SYN3: variants seen among roughly 807,000 people sequenced by gnomAD.
SYN3 encodes the protein synapsin-3.
Under a neutral mutation model 65.8 loss-of-function variants are expected in SYN3, and 35 were observed. The observed-to-expected ratio is 0.53, with a 90% confidence interval of 0.41 to 0.70. The LOEUF (loss-of-function observed/expected upper bound fraction) is 0.70, where lower values mean the gene tolerates loss of function less well. SYN3 is among the 30% of genes least tolerant of loss of function. The pLI, the probability that SYN3 is intolerant of heterozygous loss-of-function variation, is 0.00. For missense variants in SYN3, 680 were observed against 749.0 expected (o/e 0.91, Z 1.08); for synonymous variants, 270 against 292.9 (o/e 0.92, Z 0.80).
intron 6 of SYN3, among the ~76,000 whole-genome samples, chr22:32,639,681 G>C (rs1461816938): frequency 6.6e-6 from 1 of 152,088 alleles, no homozygotes. Flanking sequence ...CTAGTAGCTG[G>C]GACTATAGGT....
rs374472990 is a variant in SYN3, at chr22:32,981,107, G to A, written c.312-405C>T. On this transcript the variant is annotated intron_variant, in intron 2 of 13. Transcript: ENST00000358763. ...TGACCTCAGGCAATCCACCCACCTC[G>A]CCCTCCCAAAGTGCTGGGATTACAG... 1.1e-3 allele frequency among the ~76,000 whole-genome samples: 166 copies of A among 150,386 alleles called. 2 individuals carry two copies. The East Asian group carries it at 0.018, about 17-fold the overall frequency.
intron 4 of SYN3, among the ~76,000 whole-genome samples, chr22:32,877,882 C>T (rs2049024168): frequency 6.6e-6 from 1 of 152,140 alleles, no homozygotes; most frequent in African/African-American, 2.4e-5. Flanking sequence ...CTTACCTTGT[C>T]CTCATAGGCA....
chr22:32,526,716 TC>T (rs1337580779), intron 12 of SYN3, among the ~76,000 whole-genome samples: 2 of 152,140 alleles, frequency 1.3e-5, no homozygotes, highest in African/African-American at 4.8e-5. Context: ...TGATGGGGTT[TC>T]ACCATATTGG....
At chr22:32,803,110 C>T (rs552685230) in intron 6 of SYN3, among the ~76,000 whole-genome samples, 14 of 152,128 alleles carry the variant, frequency 9.2e-5, no homozygotes, top group Non-Finnish European at 1.8e-4. Context: ...CTCCTCCTTT[C>T]CAGCCCATAA....
chr22:33,022,327 G>A (rs1480939517), intron 1 of SYN3, among the ~76,000 whole-genome samples: 1 of 152,198 alleles, frequency 6.6e-6, no homozygotes, highest in Non-Finnish European at 1.5e-5. Context: ...CTAGGGACAG[G>A]CTGAGAACTC....
At chr22:32,565,875 G>C (rs1318620109) in intron 7 of SYN3, among the ~76,000 whole-genome samples, 2 of 151,982 alleles carry the variant, frequency 1.3e-5, no homozygotes, top group Admixed American at 1.3e-4. Context: ...ACCACGCCCA[G>C]CTAATTTTTT....
intron 7 of SYN3, among the ~76,000 whole-genome samples, chr22:32,556,776 CCCAATGACCCA>C (rs2058503288): frequency 1.6e-5 from 2 of 122,770 alleles, no homozygotes; most frequent in African/African-American, 6.8e-5. Flanking sequence ...GACCCAATGA[CCCAATGACCCA>C]ATCTATAGGT....
At chr22:32,706,627 C>T (rs535376525) in intron 6 of SYN3, among the ~76,000 whole-genome samples, 23 of 152,186 alleles carry the variant, frequency 1.5e-4, no homozygotes, top group East Asian at 9.6e-4. Flanking sequence ...GGCAAAGAGA[C>T]GGGGCAGCTG....
chr22:32,778,516 A>G (rs1010630464), intron 6 of SYN3, among the ~76,000 whole-genome samples: 8 of 151,914 alleles, frequency 5.3e-5, no homozygotes, highest in Admixed American at 4.6e-4. Flanking sequence ...CTGGTCTCGA[A>G]CTCCTGACCT....
At position 32,512,981 on chromosome 22, in the gene SYN3, TCCA is replaced by T. The variant is rs1325962817; in HGVS notation, c.*708_*710del. ...ATAACCTGTGATCTGCCCTTGGCTG[TCCA>T]AATAAGAATAATGCTCTGAGTATGA... On this transcript the variant is annotated 3_prime_UTR_variant, in exon 14 of 14. Coordinates refer to ENST00000358763, the MANE Select transcript of SYN3 (RefSeq NM_003490.4). 4 of 152,290 alleles carry T rather than the reference TCCA, an allele frequency of 2.6e-5. No individual in the cohort carries two copies. The highest frequency in any genetic ancestry group is 9.6e-5 in the African/African-American group (4 of 41,532). The allele number at this position is 152,290 out of a possible 1,614,324, so 9.4% of individuals were successfully genotyped here.
chr22:32,720,627 A>G (rs1016507198), intron 6 of SYN3, among the ~76,000 whole-genome samples: 19 of 152,198 alleles, frequency 1.2e-4, no homozygotes, highest in Non-Finnish European at 2.6e-4. Flanking sequence ...ATTCTCACTG[A>G]TCACCACCAC....
chr22:32,764,354 A>C (rs2145736319), intron 6 of SYN3, among the ~76,000 whole-genome samples: 1 of 152,136 alleles, frequency 6.6e-6, no homozygotes, highest in East Asian at 1.9e-4. Context: ...GCTGGGGCCC[A>C]CTCATTTCCC....
chr22:32,645,365 C>G (rs5754182), intron 6 of SYN3, among the ~76,000 whole-genome samples: 54,886 of 151,084 alleles, frequency 0.36, 11,459 homozygotes, highest in East Asian at 0.9. Context: ...GCAGGAGAAT[C>G]ACTTGAACCC....
At chr22:32,968,007 A>G (rs1164416362) in intron 3 of SYN3, among the ~76,000 whole-genome samples, 1 of 152,240 alleles carries the variant, frequency 6.6e-6, no homozygotes, top group Non-Finnish European at 1.5e-5. Flanking sequence ...GATTAGGCAG[A>G]TTGGGAGCAA....
At chr22:33,028,333 C>T (rs2053673378) in intron 1 of SYN3, among the ~76,000 whole-genome samples, 3 of 152,204 alleles carry the variant, frequency 2.0e-5, no homozygotes, top group Admixed American at 2.0e-4. Context: ...TCCTCCTCAG[C>T]GCCTAGCCCC....
intron 12 of SYN3, among the ~76,000 whole-genome samples, chr22:32,521,358 T>C (rs547823031): frequency 1.3e-5 from 2 of 152,004 alleles, no homozygotes; most frequent in South Asian, 4.2e-4. Context: ...ACAGTTGCTG[T>C]ATAGAAACAC....
chr22:32,949,525 G>A (rs192354295), intron 3 of SYN3, among the ~76,000 whole-genome samples: 114 of 152,174 alleles, frequency 7.5e-4, no homozygotes, highest in African/African-American at 2.7e-3. Flanking sequence ...TCCAGTTTCA[G>A]GAACACGCCC....
chr22:32,707,700 T>A (rs2060899139), intron 6 of SYN3, among the ~76,000 whole-genome samples: 1 of 152,170 alleles, frequency 6.6e-6, no homozygotes, highest in Admixed American at 6.5e-5. Context: ...TTTTCCTATC[T>A]GTGTCAATTA....
intron 6 of SYN3, among the ~76,000 whole-genome samples, chr22:32,767,385 T>TCACACACACACACA (rs10527431): frequency 7.9e-5 from 12 of 151,360 alleles, no homozygotes; most frequent in African/African-American, 2.4e-4. Context: ...GCTGGTGACT[T>TCACACACACACACA]CACACACACA....
Sources: allele counts gnomAD v4.1 joint callset (sites outside exome capture counted in the v4.1 genomes callset), GRCh38; gene constraint gnomAD v4.1.1; transcripts MANE v1.5; gene names NCBI Gene and HGNC (gene_info 2026-07-23, HGNC 2026-07-21).